The following NELFB variants were observed in gnomAD, a reference collection of about 807,000 sequenced individuals.
The protein encoded by NELFB is negative elongation factor B.
NELFB carries 34 observed loss-of-function variants against 60.2 expected under a neutral mutation model. The observed-to-expected ratio is 0.56, with a 90% CI of 0.43 to 0.75. NELFB has a LOEUF of 0.75. Among genes scored for constraint, NELFB ranks in the 30% least tolerant of loss-of-function variants. The probability of loss-of-function intolerance (pLI) is 0.00; values close to 1 mark genes in which losing one functional copy is unlikely to be tolerated. For synonymous variants in NELFB, 459 were observed against 382.1 expected (o/e 1.20, Z -2.35); for missense variants, 770 against 831.6 (o/e 0.93, Z 0.91).
chr9:137,260,362 TA>T (rs1830421035), intron 4 of NELFB, among the ~76,000 whole-genome samples: 1 of 150,740 alleles, frequency 6.6e-6, no homozygotes, highest in Non-Finnish European at 1.5e-5. Flanking sequence ...TTTATTTTAT[TA>T]TTTTTTTTAA....
At chr9:137,262,568 A>G (rs1325307891) in intron 4 of NELFB, among the ~76,000 whole-genome samples, 6 of 152,262 alleles carry the variant, frequency 3.9e-5, no homozygotes, top group Non-Finnish European at 7.3e-5. Context: ...CTAATATTCA[A>G]ATATAATCAT....
chr9:137,261,117 T>C (rs1588185759), intron 4 of NELFB, among the ~76,000 whole-genome samples: 1 of 146,176 alleles, frequency 6.8e-6, no homozygotes, highest in South Asian at 2.2e-4. Flanking sequence ...CCGAGGCGGG[T>C]GGATCATGAG....
chr9:137,266,905 C>T, intron 8 of NELFB, 39 bp from the exon 9 acceptor site: 1 of 1,606,776 alleles, frequency 6.2e-7, no homozygotes. Context: ...TGGGGCAGGG[C>T]CCGGGCCCGC....
intron 10 of NELFB, among the ~76,000 whole-genome samples, chr9:137,270,125 T>G (rs1830565167): frequency 6.6e-6 from 1 of 152,078 alleles, no homozygotes; most frequent in African/African-American, 2.4e-5. Flanking sequence ...GGTGTAAATC[T>G]GAGACATCAC....
In NELFB at chr9:137,267,340, G is replaced by A. The variant is rs747982652; in HGVS notation, c.1483G>A (p.Gly495Arg). The change falls in exon 10 of 13, where the codon GGG (glycine) becomes AGG (arginine). Residue 495 changes from glycine (G) to arginine (R), a missense_variant. Gly to Arg is a moderately radical substitution (Grantham distance 125). Transcript: ENST00000343053. The stretch of plus-strand genomic sequence containing the variant: ...GAACGCGCTCCTCCGCCTGCTGCCC[G>A]GGCTGGGTAAGTCCTGACGGGCGGT... The A allele has an allele frequency of 8.1e-6, 13 of 1,606,834 alleles. No homozygotes were observed. Among genetic ancestry groups the A allele is most frequent in the African/African-American group, 2.7e-5 (2 of 74,876 alleles).
At chr9:137,256,665 G>C (rs939714164) in intron 3 of NELFB, among the ~76,000 whole-genome samples, 159 bp from the exon 4 acceptor site, 3 of 152,174 alleles carry the variant, frequency 2.0e-5, no homozygotes, top group Non-Finnish European at 4.4e-5. Flanking sequence ...TATTTAGCAT[G>C]TCTGTCTGAC....
At chr9:137,261,984 AGAGAGAGAGAG>A (rs1029371016) in intron 4 of NELFB, among the ~76,000 whole-genome samples, 3 of 151,300 alleles carry the variant, frequency 2.0e-5, no homozygotes, top group Non-Finnish European at 4.4e-5. Flanking sequence ...CTAGGCAGAG[AGAGAGAGAGAG>A]GAGAGAGAGA....
intron 11 of NELFB, 98 bp from the exon 12 acceptor site, chr9:137,272,409 T>TGTCCTGTATCCAGGGGCCTTGGCCAC: frequency 6.9e-7 from 1 of 1,445,060 alleles, no homozygotes; most frequent in Non-Finnish European, 9.4e-7. Context: ...AGGCTGGCCA[T>TGTCCTGTATCCAGGGGCCTTGGCCAC]GTCCTGTCTC....
At chr9:137,258,379 C>T (rs1837591007) in intron 4 of NELFB, among the ~76,000 whole-genome samples, 2 of 151,738 alleles carry the variant, frequency 1.3e-5, no homozygotes, top group Admixed American at 1.3e-4. Flanking sequence ...CTGCACACCT[C>T]AGCCTCCTGA....
chr9:137,257,375 C>T (rs1837572245), intron 4 of NELFB, among the ~76,000 whole-genome samples: 1 of 152,226 alleles, frequency 6.6e-6, no homozygotes, highest in Non-Finnish European at 1.5e-5. Context: ...GTTGCCCAGG[C>T]TGGAGTGCAG....
intron 4 of NELFB, among the ~76,000 whole-genome samples, chr9:137,261,667 AAAAAAAAAAATTG>A (rs1318204153): frequency 3.6e-4 from 6 of 16,746 alleles, no homozygotes; most frequent in Non-Finnish European, 1.5e-3. Flanking sequence ...CAAAAAAAAA[AAAAAAAAAAATTG>A]ATTGGGTGTA....
In NELFB at chr9:137,267,043, G is replaced by A; in HGVS notation, c.1339G>A (p.Ala447Thr). The A allele has an allele frequency of 1.2e-6, 2 of 1,614,106 alleles. No individual in the cohort carries two copies. The highest frequency in any genetic ancestry group is 1.7e-6 in the Non-Finnish European group (2 of 1,180,020). ...TCAGAAACTTCCGGCTGAGGAGAAA[G>A]CCCCAGTCTCATATCCAAACACACT... The change falls in exon 9 of 13, where the codon GCC (alanine) becomes ACC (threonine). Residue 447 changes from alanine to threonine, a missense_variant. Coordinates refer to ENST00000343053, the MANE Select transcript of NELFB (RefSeq NM_015456.5).
At position 137,272,860 on chromosome 9, in the gene NELFB, G is replaced by T. The variant is rs966198408; in HGVS notation, c.1819G>T (p.Ala607Ser). Reference sequence around the variant, plus strand: ...GCTGGATCACCGGAAGCCCAGCCCGGCACAGGCTGCGGAGACGCCGGCCCT... The same window carrying T: ...GCTGGATCACCGGAAGCCCAGCCCGTCACAGGCTGCGGAGACGCCGGCCCT... Residue 607 changes from alanine (A) to serine (S), a missense_variant, in exon 13 of 13, where the codon GCA (alanine) becomes TCA (serine). Ala to Ser is a moderately conservative substitution (Grantham distance 99, BLOSUM62 1). Transcript: ENST00000343053. 6.5e-5 allele frequency: 100 copies of T among 1,549,362 alleles called. 4 individuals are homozygous for T. Among genetic ancestry groups the T allele is most frequent in the Non-Finnish European group, 4.4e-6 (5 of 1,146,488 alleles).
chr9:137,272,471 C>T, intron 11 of NELFB, 36 bp from the exon 12 acceptor site: 1 of 1,582,048 alleles, frequency 6.3e-7, no homozygotes, highest in Non-Finnish European at 8.6e-7. Flanking sequence ...ACAGCAGGGC[C>T]TGCCTCCTGC....
intron 10 of NELFB, 22 bp from the exon 11 acceptor site, chr9:137,272,059 C>G (rs1484229593): frequency 3.7e-6 from 6 of 1,613,926 alleles, no homozygotes; most frequent in South Asian, 1.1e-5. Flanking sequence ...TGGCACTGGG[C>G]TGATGCCTGC....
chr9:137,255,585 C>T lies in NELFB; in HGVS notation c.220C>T (p.Pro74Ser). 1.3e-6 allele frequency: 2 copies of T among 1,549,330 alleles called. No individual in the cohort carries two copies. The highest frequency in any genetic ancestry group is 8.7e-7 in the Non-Finnish European group (1 of 1,146,794). Residue 74 changes from proline to serine, a missense_variant, in exon 1 of 13, where the codon CCG (proline) becomes TCG (serine). Physicochemically the swap from Pro to Ser is moderately conservative, Grantham distance 74. Coordinates refer to ENST00000343053, the MANE Select transcript of NELFB (RefSeq NM_015456.5). Reference sequence around the variant, plus strand: ...GGAGACCCTGACCAACTGCACGGAGCCGCTCAAGGCCATCGAGCAGTTCCA... The same window carrying T: ...GGAGACCCTGACCAACTGCACGGAGTCGCTCAAGGCCATCGAGCAGTTCCA...
chr9:137,259,339 G>A (rs547854990), intron 4 of NELFB, among the ~76,000 whole-genome samples: 1 of 152,180 alleles, frequency 6.6e-6, no homozygotes, highest in African/African-American at 2.4e-5. Context: ...GGTTCCCTTC[G>A]GGCCGTGGTT....
intron 10 of NELFB, among the ~76,000 whole-genome samples, chr9:137,268,884 C>G (rs1281111905): frequency 1.3e-5 from 2 of 152,000 alleles, no homozygotes; most frequent in African/African-American, 4.8e-5. Flanking sequence ...AGATGAGAGA[C>G]ACAGGACAGA....
chr9:137,272,029 T>C, intron 10 of NELFB, 52 bp from the exon 11 acceptor site: 1 of 1,609,186 alleles, frequency 6.2e-7, no homozygotes, highest in Non-Finnish European at 8.5e-7. Flanking sequence ...AAGGGTGCCC[T>C]CTGGGGTGGG....
Sources: allele counts gnomAD v4.1 joint callset (sites outside exome capture counted in the v4.1 genomes callset), GRCh38; gene constraint gnomAD v4.1.1; transcripts MANE v1.5; gene names NCBI Gene and HGNC (gene_info 2026-07-23, HGNC 2026-07-21).